Variants in ARHGAP35 observed in about 807,000 individuals in gnomAD.
ARHGAP35 encodes the protein Rho GTPase activating protein 35.
A neutral mutation model predicts 111.1 loss-of-function variants in ARHGAP35; 15 were observed. The ratio of observed to expected loss-of-function variants is 0.13; its 90% CI spans 0.09 to 0.21. The LOEUF (loss-of-function observed/expected upper bound fraction) is 0.21, where lower values mean the gene tolerates loss of function less well. ARHGAP35 is among the 10% of genes least tolerant of loss of function. ARHGAP35 has a pLI of 1.00. For synonymous variants in ARHGAP35, 643 were observed against 710.3 expected (o/e 0.91, Z 1.51); for missense variants, 1,262 against 1,873.0 (o/e 0.67, Z 6.02).
intron 3 of ARHGAP35, among the ~76,000 whole-genome samples, chr19:46,946,023 CTT>C (rs2056377532): frequency 6.6e-6 from 1 of 152,190 alleles, no homozygotes; most frequent in Non-Finnish European, 1.5e-5. Context: ...CATCTTCTCT[CTT>C]GAGTTATGAT....
In ARHGAP35 at chr19:46,993,244, C is replaced by T. The variant is rs1434738773; in HGVS notation, c.4036+3569C>T. 2.6e-5 allele frequency among the ~76,000 whole-genome samples: 4 copies of T among 152,224 alleles called. No homozygotes were observed. Among genetic ancestry groups the T allele is most frequent in the Non-Finnish European group, 4.4e-5 (3 of 68,040 alleles). On this transcript the variant is annotated intron_variant, in intron 5 of 6. Transcript: ENST00000672722. This position sits in a 1 kb window ranked among gnomAD's most constrained non-coding sequence, Gnocchi z 4.6. Reference sequence around the variant, plus strand: ...CACCTGGGGCGGGGAGAGCCGACGCCGGACGAGCCTGCGTGATCACTGAAG... The same window carrying T: ...CACCTGGGGCGGGGAGAGCCGACGCTGGACGAGCCTGCGTGATCACTGAAG...
intron 3 of ARHGAP35, among the ~76,000 whole-genome samples, chr19:46,965,585 A>G (rs1400892080): frequency 6.6e-6 from 1 of 152,134 alleles, no homozygotes; most frequent in East Asian, 1.9e-4. Flanking sequence ...CCCAGGCTCA[A>G]GTAATCCTCC....
intron 1 of ARHGAP35, among the ~76,000 whole-genome samples, chr19:46,900,167 A>T (rs1196670306): frequency 6.6e-6 from 1 of 150,830 alleles, no homozygotes; most frequent in African/African-American, 2.4e-5. Flanking sequence ...TTGAAGTGGC[A>T]TTAAATTCAC....
chr19:46,971,189 C>T (rs1301715143), intron 3 of ARHGAP35, among the ~76,000 whole-genome samples: 7 of 152,006 alleles, frequency 4.6e-5, no homozygotes, highest in Non-Finnish European at 8.8e-5. Flanking sequence ...AGGCAGATCA[C>T]GAGGTCAGGA....
chr19:46,941,994 G>A (rs868535757), intron 3 of ARHGAP35, among the ~76,000 whole-genome samples: 1 of 151,360 alleles, frequency 6.6e-6, no homozygotes, highest in African/African-American at 2.4e-5. Flanking sequence ...CCCCTTGTTG[G>A]CATTAGTTTG....
intron 2 of ARHGAP35, among the ~76,000 whole-genome samples, chr19:46,923,638 G>C (rs530137775): frequency 6.6e-6 from 1 of 151,664 alleles, no homozygotes; most frequent in Non-Finnish European, 1.5e-5. Context: ...CTCTTTACAG[G>C]CCAGGCGCCG....
At position 46,918,549 on chromosome 19, in the gene ARHGAP35, A is replaced by G; in HGVS notation, c.-127A>G. ...AACAGTGACCATACTGGTATACAAC[A>G]CTATGGGACCTGGCATTTTTGCTGC... On this transcript the variant is annotated 5_prime_UTR_variant, in exon 2 of 7. Coordinates refer to ENST00000672722, the MANE Select transcript of ARHGAP35 (RefSeq NM_004491.5). This position sits in a 1 kb window ranked among gnomAD's most constrained non-coding sequence, Gnocchi z 5.4. The G allele has an allele frequency of 1.2e-6, 1 of 864,516 alleles. No individual in the cohort carries two copies. The highest frequency in any genetic ancestry group is 1.8e-6 in the Non-Finnish European group (1 of 544,306). 53.6% of individuals were successfully genotyped at this position (864,516 alleles called of 1,614,324 possible). A position where few individuals can be genotyped will look rare whatever the true frequency, so the allele number is the denominator to read the frequency against.
chr19:46,973,101 G>A (rs1200005368), intron 3 of ARHGAP35, among the ~76,000 whole-genome samples: 1 of 152,090 alleles, frequency 6.6e-6, no homozygotes, highest in Non-Finnish European at 1.5e-5. Flanking sequence ...AGTGGCTCAC[G>A]CCTGTAATCC....
At chr19:46,931,755 G>A (rs896422443) in intron 2 of ARHGAP35, among the ~76,000 whole-genome samples, 1 of 152,164 alleles carries the variant, frequency 6.6e-6, no homozygotes, top group Non-Finnish European at 1.5e-5. Context: ...TCGTGGAGGA[G>A]ATAGACCATG....
chr19:46,892,855 C>G (rs2122155062), intron 1 of ARHGAP35, among the ~76,000 whole-genome samples: 1 of 152,224 alleles, frequency 6.6e-6, no homozygotes, highest in African/African-American at 2.4e-5. Context: ...ACACTGTGTT[C>G]AGGCTTTGTA....
intron 1 of ARHGAP35, among the ~76,000 whole-genome samples, chr19:46,863,903 C>T (rs77507089): frequency 0.035 from 5,339 of 152,288 alleles, 136 homozygotes; most frequent in Non-Finnish European, 0.053. Flanking sequence ...GCTTCCTGGT[C>T]TTCAAAATGG....
At position 46,957,978 on chromosome 19, in the gene ARHGAP35, A is replaced by G. The variant is rs540284183; in HGVS notation, c.3826+20570A>G. Among the ~76,000 whole-genome samples the G allele has an allele frequency of 9.2e-5, 14 of 152,264 alleles. No individual in the cohort carries two copies. The South Asian group carries it at 2.9e-3, about 32-fold the overall frequency. Reference sequence around the variant, plus strand: ...GAGTGCAGTGGTGCGATCATAGCTCACTGCAGCCTGAAACACCTGGGTTTA... The same window carrying G: ...GAGTGCAGTGGTGCGATCATAGCTCGCTGCAGCCTGAAACACCTGGGTTTA... On this transcript the variant is annotated intron_variant, in intron 3 of 6. Coordinates refer to ENST00000672722, the MANE Select transcript of ARHGAP35 (RefSeq NM_004491.5).
chr19:46,920,806 G>A lies in ARHGAP35; in HGVS notation c.2131G>A (p.Gly711Arg), dbSNP rs1267608125. 1 of 1,611,234 alleles carries A rather than the reference G, an allele frequency of 6.2e-7. No individual in the cohort carries two copies. Among genetic ancestry groups the A allele is most frequent in the Admixed American group, 1.7e-5 (1 of 59,420 alleles). ...ILVNKRGDTS[G>R]ETLHSLIQQG... ...GGTTAACAAGAGAGGAGACACCAGTGGAGAGACTCTGCATAGCTTAATACA... is the reference window on the plus strand; with the variant it reads ...GGTTAACAAGAGAGGAGACACCAGTAGAGAGACTCTGCATAGCTTAATACA... The change falls in exon 2 of 7, where the codon GGA (glycine) becomes AGA (arginine). Residue 711 changes from glycine (G) to arginine (R), a missense_variant. Gly to Arg is a moderately radical substitution (Grantham distance 125). This residue lies in a region of ARHGAP35 where 579 missense variants were observed against 716.9 expected (regional missense o/e 0.81). Coordinates refer to ENST00000672722, the MANE Select transcript of ARHGAP35 (RefSeq NM_004491.5). This position sits in a 1 kb window ranked among gnomAD's most constrained non-coding sequence, Gnocchi z 7.0.
chr19:46,879,763 G>A (rs1478261409), intron 1 of ARHGAP35, among the ~76,000 whole-genome samples: 40 of 149,712 alleles, frequency 2.7e-4, no homozygotes, highest in Non-Finnish European at 5.3e-4. Context: ...CAGCCTGGGT[G>A]GCAGAACTAG....
intron 1 of ARHGAP35, among the ~76,000 whole-genome samples, chr19:46,861,469 C>G (rs1409876364): frequency 6.7e-6 from 1 of 148,910 alleles, no homozygotes; most frequent in Non-Finnish European, 1.5e-5. Context: ...GCCGCCGCCC[C>G]CATCCCCGAC....
chr19:46,870,495 C>T (rs1443093454), intron 1 of ARHGAP35, among the ~76,000 whole-genome samples: 1 of 151,802 alleles, frequency 6.6e-6, no homozygotes, highest in Non-Finnish European at 1.5e-5. Context: ...AGGAGAATGG[C>T]GTGAACCCAG....
At chr19:46,868,524 G>A (rs547440974) in intron 1 of ARHGAP35, among the ~76,000 whole-genome samples, 1 of 152,238 alleles carries the variant, frequency 6.6e-6, no homozygotes, top group Non-Finnish European at 1.5e-5. Context: ...ACAGTATTTT[G>A]AAAAGAATGT....
rs2056184876 is a variant in ARHGAP35 at position 46,919,588 on chromosome 19, T to C, written c.913T>C (p.Tyr305His). The C allele has an allele frequency of 6.2e-7, 1 of 1,613,932 alleles. No individual in the cohort carries two copies. Among genetic ancestry groups the C allele is most frequent in the Non-Finnish European group, 8.5e-7 (1 of 1,179,878 alleles). The stretch of plus-strand genomic sequence containing the variant: ...CCGAAAGATGCAGGCCTCTCCAGAA[T>C]ACCAGGACTATGTCTACCTGGAAGG... The part of the protein sequence containing the change: ...VSRKMQASPE[Y>H]QDYVYLEGTQ... Residue 305 changes from tyrosine (Y) to histidine (H), a missense_variant, in exon 2 of 7, where the codon TAC becomes CAC. This residue lies in a region of ARHGAP35 where 328 missense variants were observed against 440.8 expected (regional missense o/e 0.74). Transcript: ENST00000672722. The surrounding 1 kb of genome is among the most constrained non-coding windows in gnomAD (Gnocchi z 6.2).
At position 46,919,562 on chromosome 19, in the gene ARHGAP35, G is replaced by T. The variant is rs2056184588; in HGVS notation, c.887G>T (p.Ser296Ile). ...CACAATGAGAACTGGCTGAGTGTCAGCCGAAAGATGCAGGCCTCTCCAGAA... is the reference window on the plus strand; with the variant it reads ...CACAATGAGAACTGGCTGAGTGTCATCCGAAAGATGCAGGCCTCTCCAGAA... ...KNHNENWLSV[S>I]RKMQASPEYQ... Residue 296 changes from serine to isoleucine, a missense_variant, in exon 2 of 7, where the codon AGC becomes ATC. Coordinates refer to ENST00000672722, the MANE Select transcript of ARHGAP35 (RefSeq NM_004491.5). This position sits in a 1 kb window ranked among gnomAD's most constrained non-coding sequence, Gnocchi z 6.2. The T allele has an allele frequency of 7.4e-6, 12 of 1,613,950 alleles. No individual in the cohort carries two copies. Among genetic ancestry groups the T allele is most frequent in the Non-Finnish European group, 9.3e-6 (11 of 1,179,886 alleles).
Sources: gnomAD v4.1 joint callset for allele counts (sites outside exome capture counted in the v4.1 genomes callset) on GRCh38, gnomAD v4.1.1 for gene constraint, gnomAD v4.1.1 regional missense constraint, Gnocchi (gnomAD v3.1) non-coding constraint, MANE v1.5 for transcripts, NCBI Gene and HGNC (gene_info 2026-07-23, HGNC 2026-07-21) for gene names.